Variants in INPP4A observed in about 807,000 individuals in gnomAD.
INPP4A encodes inositol polyphosphate-4-phosphatase type I A.
A neutral mutation model predicts 119.8 loss-of-function variants in INPP4A; 33 were observed. That is an observed-to-expected ratio of 0.28 (90% confidence interval 0.21 to 0.37). The LOEUF (loss-of-function observed/expected upper bound fraction) is 0.37, where lower values mean the gene tolerates loss of function less well. Among genes scored for constraint, INPP4A ranks in the 10% least tolerant of loss-of-function variants. The pLI, the probability that INPP4A is intolerant of heterozygous loss-of-function variation, is 1.00. For missense variants in INPP4A, 956 were observed against 1,289.9 expected, an observed-to-expected ratio of 0.74 and a Z score of 3.97; for synonymous variants, 496 against 500.7, an observed-to-expected ratio of 0.99 and a Z score of 0.12.
intron 19 of INPP4A, among the ~76,000 whole-genome samples, chr2:98,565,074 T>G (rs538297605): frequency 1.3e-5 from 2 of 152,254 alleles, no homozygotes; most frequent in Admixed American, 1.3e-4. Flanking sequence ...CTGCAGCTAC[T>G]GAATGACTGG....
chr2:98,543,080 C>T (rs898640791), intron 10 of INPP4A, among the ~76,000 whole-genome samples: 4 of 152,022 alleles, frequency 2.6e-5, no homozygotes, highest in South Asian at 4.1e-4. Flanking sequence ...CCACCACGCC[C>T]GGCTAATTTT....
chr2:98,550,471 C>A (rs1404239698), intron 13 of INPP4A, among the ~76,000 whole-genome samples: 1 of 152,216 alleles, frequency 6.6e-6, no homozygotes, highest in African/African-American at 2.4e-5. Context: ...AAGACTCCAC[C>A]CTTACGCTCT....
chr2:98,455,479 A>G (rs1280200066), intron 1 of INPP4A, among the ~76,000 whole-genome samples: 4 of 152,134 alleles, frequency 2.6e-5, no homozygotes, highest in African/African-American at 7.2e-5. Context: ...GGTAGAAGGG[A>G]AGCGCTAGCA....
rs10496328 is a variant in INPP4A, at chr2:98,556,854, G to A, written c.1822+1046G>A. On this transcript the variant is annotated intron_variant, in intron 16 of 24. Transcript: ENST00000409851. ...GAGCCTCTGTCTCGACAGTTATCAC[G>A]TCACCCATCTCTCCATCTATGGGGG... 4.0e-3 allele frequency among the ~76,000 whole-genome samples: 607 copies of A among 152,238 alleles called. 4 individuals carry two copies. Among genetic ancestry groups the A allele is most frequent in the African/African-American group, 0.014 (569 of 41,534 alleles).
chr2:98,512,005 C>T (rs1007623972), intron 1 of INPP4A, among the ~76,000 whole-genome samples: 1 of 152,172 alleles, frequency 6.6e-6, no homozygotes. Context: ...CTCACATAGA[C>T]TTAGCTGTAG....
At position 98,570,170 on chromosome 2, in the gene INPP4A, G is replaced by A. The variant is rs1481296328; in HGVS notation, c.2518+1502G>A. On this transcript the variant is annotated intron_variant, in intron 22 of 24. Coordinates refer to ENST00000409851, the MANE Select transcript of INPP4A (RefSeq NM_001134225.2). This position sits in a 1 kb window ranked among gnomAD's most constrained non-coding sequence, Gnocchi z 4.3. ...GGGCTACAGGGGACCGACAGCGAGT[G>A]CAGCACTGGCCCCAGCTGAGCTGAT... Among the ~76,000 whole-genome samples the A allele has an allele frequency of 2.0e-5, 3 of 152,196 alleles. No homozygotes were observed. Among genetic ancestry groups the A allele is most frequent in the African/African-American group, 7.2e-5 (3 of 41,448 alleles).
chr2:98,574,653 A>G (rs1698111559), intron 23 of INPP4A, among the ~76,000 whole-genome samples: 2 of 151,278 alleles, frequency 1.3e-5, no homozygotes, highest in Non-Finnish European at 2.9e-5. Flanking sequence ...AAAAAAAAAA[A>G]GAATGCAGAG....
intron 10 of INPP4A, among the ~76,000 whole-genome samples, chr2:98,540,759 A>G (rs1691268958): frequency 6.6e-6 from 1 of 152,236 alleles, no homozygotes; most frequent in Non-Finnish European, 1.5e-5. Flanking sequence ...CATGATAATG[A>G]CATCAATCCA....
At chr2:98,494,649 G>A (rs183144764) in intron 1 of INPP4A, among the ~76,000 whole-genome samples, 20 of 150,008 alleles carry the variant, frequency 1.3e-4, no homozygotes, top group African/African-American at 4.4e-4. Context: ...GGAGAGTTTG[G>A]TGGTAATTAA....
At chr2:98,510,541 G>C (rs1011729998) in intron 1 of INPP4A, among the ~76,000 whole-genome samples, 1 of 152,194 alleles carries the variant, frequency 6.6e-6, no homozygotes, top group Non-Finnish European at 1.5e-5. Flanking sequence ...TCTGCTGAGG[G>C]CCTTCTTGCC....
At chr2:98,580,451 G>A (rs1037082913) in intron 24 of INPP4A, among the ~76,000 whole-genome samples, 3 of 152,250 alleles carry the variant, frequency 2.0e-5, no homozygotes, top group African/African-American at 4.8e-5. Context: ...CATTGAACAT[G>A]GAGTTGGGAA....
At chr2:98,450,732 G>T (rs779319549) in intron 1 of INPP4A, among the ~76,000 whole-genome samples, 2 of 152,104 alleles carry the variant, frequency 1.3e-5, no homozygotes, top group African/African-American at 4.8e-5. Flanking sequence ...AATTAGATCA[G>T]CCTTTCCTCT....
chr2:98,545,696 C>T (rs1575017528), intron 11 of INPP4A, among the ~76,000 whole-genome samples: 1 of 152,110 alleles, frequency 6.6e-6, no homozygotes, highest in Non-Finnish European at 1.5e-5. Flanking sequence ...GGCGCAGCAT[C>T]GTTACCATAG....
chr2:98,541,747 G>A (rs112351926), intron 10 of INPP4A, among the ~76,000 whole-genome samples: 1,739 of 152,236 alleles, frequency 0.011, 39 homozygotes, highest in African/African-American at 0.04. Flanking sequence ...ACTATGCCCA[G>A]CTAATTTTTT....
intron 1 of INPP4A, among the ~76,000 whole-genome samples, chr2:98,514,360 A>T (rs1297876658): frequency 1.3e-5 from 2 of 152,138 alleles, no homozygotes; most frequent in African/African-American, 4.8e-5. Flanking sequence ...TGGAGCGGTA[A>T]GAGTATCTTT....
chr2:98,452,579 C>T (rs556667434), intron 1 of INPP4A, among the ~76,000 whole-genome samples: 1 of 152,082 alleles, frequency 6.6e-6, no homozygotes, highest in African/African-American at 2.4e-5. Context: ...GGTGGCCAGC[C>T]CACAGTGTGA....
intron 1 of INPP4A, among the ~76,000 whole-genome samples, chr2:98,462,699 A>AT (rs906666603): frequency 8.0e-5 from 12 of 149,686 alleles, no homozygotes; most frequent in East Asian, 5.9e-4. Context: ...CTAATTTTTA[A>AT]TTTTTTTTTG....
rs552574357 is a variant in INPP4A at position 98,447,076 on chromosome 2, G to A, written c.-166+1991G>A. Among the ~76,000 whole-genome samples, 45 of 152,274 alleles carry A rather than the reference G, an allele frequency of 3.0e-4. No homozygotes were observed. The East Asian group carries it at 3.7e-3, about 12-fold the overall frequency. On this transcript the variant is annotated intron_variant, in intron 1 of 24. Coordinates refer to ENST00000409851, the MANE Select transcript of INPP4A (RefSeq NM_001134225.2). ...GCGGTGTGGGACCGACTGCCCCACT[G>A]ATCCCCAGCCCAGGGCTTAACATCT... is the stretch of plus-strand genomic sequence containing the variant.
chr2:98,496,161 C>A (rs1342456187), intron 1 of INPP4A, among the ~76,000 whole-genome samples: 6 of 152,072 alleles, frequency 3.9e-5, no homozygotes, highest in Non-Finnish European at 7.3e-5. Context: ...TGAGACATGT[C>A]CAACCTCCTC....
Sources: gnomAD v4.1 joint callset for allele counts (sites outside exome capture counted in the v4.1 genomes callset) on GRCh38, gnomAD v4.1.1 for gene constraint, Gnocchi (gnomAD v3.1) non-coding constraint, MANE v1.5 for transcripts, NCBI Gene and HGNC (gene_info 2026-07-23, HGNC 2026-07-21) for gene names.